The following CSMD1 variants were observed in gnomAD, a reference collection of about 807,000 sequenced individuals.
The protein encoded by CSMD1 is CUB and sushi domain-containing protein 1.
Under a neutral mutation model 417.5 loss-of-function variants are expected in CSMD1, and 213 were observed. That is an observed-to-expected ratio of 0.51 (90% CI 0.46 to 0.57). The LOEUF is 0.57. CSMD1 is among the 20% of genes least tolerant of loss of function. The pLI is 0.00. For missense variants in CSMD1, 6,923 were observed against 4,529.7 expected (o/e 1.53, Z -15.17); for synonymous variants, 2,862 against 1,736.8 (o/e 1.65, Z -16.11).
At chr8:4,260,706 G>T (rs543901801) in intron 3 of CSMD1, among the ~76,000 whole-genome samples, 5 of 152,182 alleles carry the variant, frequency 3.3e-5, no homozygotes, top group Admixed American at 3.3e-4. Context: ...CATGTCGTTG[G>T]TTTATTAATA....
chr8:4,970,892 C>G (rs77114174), intron 1 of CSMD1, among the ~76,000 whole-genome samples: 1 of 151,894 alleles, frequency 6.6e-6, no homozygotes, highest in Non-Finnish European at 1.5e-5. Flanking sequence ...AGGAAAGTAA[C>G]GAAGTGCTTT....
intron 64 of CSMD1, among the ~76,000 whole-genome samples, chr8:2,955,279 T>G (rs1802920166): frequency 6.6e-6 from 1 of 152,256 alleles, no homozygotes; most frequent in Non-Finnish European, 1.5e-5. Flanking sequence ...ATTTTCCTTT[T>G]AACTCAGAAT....
At chr8:3,036,902 T>C (rs1348386451) in intron 50 of CSMD1, among the ~76,000 whole-genome samples, 1 of 152,190 alleles carries the variant, frequency 6.6e-6, no homozygotes, top group Non-Finnish European at 1.5e-5. Context: ...ATTTCTGGGA[T>C]TTCAGTGCAC....
chr8:3,243,377 G>A (rs909480734), intron 26 of CSMD1, among the ~76,000 whole-genome samples: 1 of 152,046 alleles, frequency 6.6e-6, no homozygotes, highest in Admixed American at 6.6e-5. Context: ...CAATAAAGCT[G>A]TTTATTTCAC....
At chr8:4,628,327 T>A (rs1488829090) in intron 2 of CSMD1, among the ~76,000 whole-genome samples, 1 of 150,564 alleles carries the variant, frequency 6.6e-6, no homozygotes, top group Non-Finnish European at 1.5e-5. Flanking sequence ...TTTTAGGAAG[T>A]CCAATTTTTC....
intron 1 of CSMD1, among the ~76,000 whole-genome samples, chr8:4,761,477 T>C (rs533921849): frequency 1.3e-5 from 2 of 152,274 alleles, no homozygotes; most frequent in Non-Finnish European, 2.9e-5. Context: ...ATTTCTAGTG[T>C]GAATACTAAA....
Position 3,098,242 on chromosome 8 carries a change from T to C in CSMD1, c.6950-1205A>G, listed in dbSNP as rs572165004. ...CTTTTCCTTAATGAAAAAGAGCTTT[T>C]GTTAAATTTATTTATTGAGTTATCG... On this transcript the variant is annotated intron_variant, in intron 46 of 69. Transcript: ENST00000635120. 7.9e-5 allele frequency among the ~76,000 whole-genome samples: 12 copies of C among 152,342 alleles called. No homozygotes were observed. In the South Asian group the frequency reaches 2.5e-3, roughly 32 times the overall value.
At chr8:3,178,342 C>T (rs1169311869) in intron 37 of CSMD1, among the ~76,000 whole-genome samples, 1 of 151,824 alleles carries the variant, frequency 6.6e-6, no homozygotes, top group Non-Finnish European at 1.5e-5. Context: ...GCCTTAATGG[C>T]CCAGGTTTTA....
intron 17 of CSMD1, among the ~76,000 whole-genome samples, chr8:3,394,429 A>C (rs562631115): frequency 6.2e-4 from 95 of 152,102 alleles, no homozygotes; most frequent in Non-Finnish European, 1.0e-3. Flanking sequence ...AAATGAAATT[A>C]GTTTCTTCTG....
chr8:4,151,415 T>C (rs1017786670), intron 3 of CSMD1, among the ~76,000 whole-genome samples: 5 of 152,184 alleles, frequency 3.3e-5, no homozygotes, highest in African/African-American at 1.2e-4. Flanking sequence ...TTTAAAAATA[T>C]AAATAAATTC....
At chr8:4,197,310 T>C (rs1799395136) in intron 3 of CSMD1, among the ~76,000 whole-genome samples, 1 of 152,246 alleles carries the variant, frequency 6.6e-6, no homozygotes. Context: ...GGTAATGTTA[T>C]ACAACAACCT....
chr8:3,069,849 C>T (rs1813205861), intron 49 of CSMD1, among the ~76,000 whole-genome samples: 1 of 152,230 alleles, frequency 6.6e-6, no homozygotes, highest in South Asian at 2.1e-4. Context: ...GGGCTCTGCA[C>T]CTGCAACAGG....
intron 3 of CSMD1, among the ~76,000 whole-genome samples, chr8:4,128,214 T>C (rs1359239192): frequency 6.6e-6 from 1 of 151,946 alleles, no homozygotes; most frequent in East Asian, 1.9e-4. Flanking sequence ...CAGCAGCTCC[T>C]CCTTGAAAGG....
At position 4,819,364 on chromosome 8, in the gene CSMD1, T is replaced by A. The variant is rs570298908; in HGVS notation, c.85+174968A>T. Among the ~76,000 whole-genome samples the A allele has an allele frequency of 2.0e-5, 3 of 152,314 alleles. No homozygotes were observed. In the South Asian group the frequency reaches 6.2e-4, roughly 32 times the overall value. On this transcript the variant is annotated intron_variant, in intron 1 of 69. Coordinates refer to ENST00000635120, the MANE Select transcript of CSMD1 (RefSeq NM_033225.6). ...GGAATATGTGTCCATTTACTTGACA[T>A]GGAAATAGGCCTCTCAAATTTGTTT...
rs1209417261 is a variant in CSMD1 at position 4,423,227 on chromosome 8, A to T, written c.303-3162T>A. ...TCCTGCAAATACAATAATACAAGAA[A>T]AGAAAATATATGCGTATGGGTCAGA... is the stretch of plus-strand genomic sequence containing the variant. On this transcript the variant is annotated intron_variant, in intron 2 of 69. Transcript: ENST00000635120. Among the ~76,000 whole-genome samples the T allele has an allele frequency of 5.3e-5, 8 of 152,086 alleles. No individual in the cohort carries two copies. The East Asian group carries it at 1.4e-3, about 26-fold the overall frequency.
intron 3 of CSMD1, among the ~76,000 whole-genome samples, chr8:4,214,626 C>T (rs753986292): frequency 6.6e-6 from 1 of 152,038 alleles, no homozygotes. Context: ...AACAGAAACA[C>T]TGAGTATGTA....
At chr8:3,290,321 G>C (rs1342909700) in intron 25 of CSMD1, among the ~76,000 whole-genome samples, 1 of 146,530 alleles carries the variant, frequency 6.8e-6, no homozygotes, top group East Asian at 2.0e-4. Flanking sequence ...CTCTTTTTTG[G>C]TTCCATATGA....
At chr8:3,725,664 A>C (rs974870564) in intron 6 of CSMD1, among the ~76,000 whole-genome samples, 10 of 151,846 alleles carry the variant, frequency 6.6e-5, no homozygotes, top group Non-Finnish European at 1.5e-4. Context: ...GCAGTGGAGG[A>C]CCCGGTCTCA....
At chr8:4,028,123 T>A (rs1349737375) in intron 4 of CSMD1, among the ~76,000 whole-genome samples, 13 of 152,002 alleles carry the variant, frequency 8.6e-5, no homozygotes, top group Admixed American at 7.9e-4. Flanking sequence ...ATAATAAACT[T>A]CAGGAACATG....
Sources: gnomAD v4.1 joint callset for allele counts (sites outside exome capture counted in the v4.1 genomes callset) on GRCh38, gnomAD v4.1.1 for gene constraint, MANE v1.5 for transcripts, NCBI Gene and HGNC (gene_info 2026-07-23, HGNC 2026-07-21) for gene names.